Variants in GRM8 observed in about 807,000 individuals in gnomAD.
GRM8 encodes glutamate metabotropic receptor 8, also known as metabotropic glutamate receptor 8.
GRM8 carries 47 observed loss-of-function variants against 87.2 expected under a neutral mutation model. That is an observed-to-expected ratio of 0.54 (90% CI 0.43 to 0.69). The LOEUF is 0.69. GRM8 is among the 30% of genes least tolerant of loss of function. GRM8 has a pLI of 0.00. For synonymous variants in GRM8, 396 were observed against 404.5 expected, an observed-to-expected ratio of 0.98 and a Z score of 0.25; for missense variants, 1,019 against 1,139.2, an observed-to-expected ratio of 0.89 and a Z score of 1.52.
intron 9 of GRM8, among the ~76,000 whole-genome samples, chr7:126,479,640 T>C (rs916960169): frequency 2.6e-5 from 4 of 152,076 alleles, no homozygotes; most frequent in Non-Finnish European, 5.9e-5. Context: ...TTTATTTGGG[T>C]TGTTTCCAGT....
intron 9 of GRM8, among the ~76,000 whole-genome samples, chr7:126,510,017 A>G (rs2150738930): frequency 6.6e-6 from 1 of 152,116 alleles, no homozygotes; most frequent in Middle Eastern, 3.4e-3. Flanking sequence ...ATTAGAAAGA[A>G]AGGTAAAATT....
intron 7 of GRM8, among the ~76,000 whole-genome samples, chr7:126,693,616 A>C (rs545872304): frequency 6.6e-6 from 1 of 152,296 alleles, no homozygotes; most frequent in Non-Finnish European, 1.5e-5. Context: ...AAATAGGTAC[A>C]AATACTTTTT....
chr7:126,736,882 T>A (rs1437555313), intron 7 of GRM8, among the ~76,000 whole-genome samples: 1 of 152,070 alleles, frequency 6.6e-6, no homozygotes, highest in Non-Finnish European at 1.5e-5. Flanking sequence ...CCCCTAATGA[T>A]AACCTTGAAA....
At chr7:126,608,884 C>CTCCCAAGGTAG (rs1798631883) in intron 8 of GRM8, among the ~76,000 whole-genome samples, 1 of 152,020 alleles carries the variant, frequency 6.6e-6, no homozygotes, top group Non-Finnish European at 1.5e-5. Flanking sequence ...CTGCCTCAGC[C>CTCCCAAGGTAG]TCCCAAATAG....
At chr7:127,022,422 T>C (rs190794262) in intron 3 of GRM8, among the ~76,000 whole-genome samples, 25 of 152,210 alleles carry the variant, frequency 1.6e-4, no homozygotes, top group Admixed American at 4.6e-4. Context: ...TTTTTTTAAA[T>C]TTAATGACTA....
chr7:127,034,879 A>C (rs952921152), intron 3 of GRM8, among the ~76,000 whole-genome samples: 2 of 152,196 alleles, frequency 1.3e-5, no homozygotes, highest in African/African-American at 2.4e-5. Context: ...TAAAACTCTG[A>C]ACTTTCACTC....
intron 7 of GRM8, among the ~76,000 whole-genome samples, chr7:126,717,138 G>A (rs1198761457): frequency 6.6e-6 from 1 of 152,156 alleles, no homozygotes; most frequent in Non-Finnish European, 1.5e-5. Flanking sequence ...TGATTGTGGT[G>A]AGCACCTGAA....
At chr7:126,780,213 G>T (rs969459884) in intron 6 of GRM8, among the ~76,000 whole-genome samples, 1 of 152,044 alleles carries the variant, frequency 6.6e-6, no homozygotes, top group Non-Finnish European at 1.5e-5. Context: ...ATCTGCCTAG[G>T]TTCAAATCTC....
At chr7:126,919,900 G>A (rs1015864784) in intron 3 of GRM8, among the ~76,000 whole-genome samples, 4 of 152,154 alleles carry the variant, frequency 2.6e-5, no homozygotes, top group East Asian at 1.9e-4. Context: ...AAAAAGGACT[G>A]TTGCATGGCC....
At chr7:126,737,957 A>G (rs1814430841) in intron 7 of GRM8, among the ~76,000 whole-genome samples, 2 of 152,128 alleles carry the variant, frequency 1.3e-5, no homozygotes, top group South Asian at 4.1e-4. Context: ...TCTAGAGGTG[A>G]CTTTTGACCT....
rs1224412744 is a variant in GRM8, at chr7:127,052,704, T to C, written c.727+53792A>G. On this transcript the variant is annotated intron_variant, in intron 3 of 10. Coordinates refer to ENST00000339582, the MANE Select transcript of GRM8 (RefSeq NM_000845.3). Reference sequence around the variant, plus strand: ...TCTTTAGGCATCACCTCTATCTCCTTATCGCTCACCCCAACATTAGATATG... The same window carrying C: ...TCTTTAGGCATCACCTCTATCTCCTCATCGCTCACCCCAACATTAGATATG... Among the ~76,000 whole-genome samples the C allele has an allele frequency of 2.0e-5, 3 of 152,190 alleles. No individual in the cohort carries two copies. The South Asian group carries it at 6.2e-4, about 32-fold the overall frequency.
chr7:126,477,826 A>G (rs914389373), intron 9 of GRM8, among the ~76,000 whole-genome samples: 1 of 152,182 alleles, frequency 6.6e-6, no homozygotes, highest in Non-Finnish European at 1.5e-5. Flanking sequence ...ACAAATTCAC[A>G]CAAACTGGGT....
At chr7:126,518,725 T>C (rs942579907) in intron 9 of GRM8, among the ~76,000 whole-genome samples, 12 of 152,092 alleles carry the variant, frequency 7.9e-5, no homozygotes, top group African/African-American at 2.9e-4. Context: ...TGCATAATAA[T>C]CTTCATGTGC....
chr7:127,223,759 G>C (rs1257032499), intron 2 of GRM8, among the ~76,000 whole-genome samples: 1 of 152,116 alleles, frequency 6.6e-6, no homozygotes, highest in Non-Finnish European at 1.5e-5. Flanking sequence ...CCTCCTGGCA[G>C]CCAGATGGAT....
intron 9 of GRM8, among the ~76,000 whole-genome samples, chr7:126,516,131 T>C (rs1812128163): frequency 6.6e-6 from 1 of 152,088 alleles, no homozygotes; most frequent in South Asian, 2.1e-4. Flanking sequence ...ATGATTCATC[T>C]TATCAATCTA....
At chr7:127,014,437 AG>A (rs1407413569) in intron 3 of GRM8, among the ~76,000 whole-genome samples, 1 of 152,132 alleles carries the variant, frequency 6.6e-6, no homozygotes, top group Non-Finnish European at 1.5e-5. Context: ...ATGACTTAGT[AG>A]GTTAGCAGCA....
intron 1 of GRM8, among the ~76,000 whole-genome samples, chr7:127,243,892 T>C (rs1227453088): frequency 6.6e-6 from 1 of 152,016 alleles, no homozygotes; most frequent in Non-Finnish European, 1.5e-5. Flanking sequence ...TCTAATTTTG[T>C]CAACAAAATC....
chr7:126,486,747 G>A (rs1050223907), intron 9 of GRM8, among the ~76,000 whole-genome samples: 2 of 151,968 alleles, frequency 1.3e-5, no homozygotes, highest in Admixed American at 6.6e-5. Context: ...ACAAAGGTAA[G>A]CCCATTATAT....
intron 3 of GRM8, among the ~76,000 whole-genome samples, chr7:126,991,489 G>T (rs189009020): frequency 6.6e-6 from 1 of 152,052 alleles, no homozygotes; most frequent in Non-Finnish European, 1.5e-5. Context: ...TTACTTAAAA[G>T]GTAGGGCCTT....
Sources: allele counts gnomAD v4.1 joint callset (sites outside exome capture counted in the v4.1 genomes callset), GRCh38; gene constraint gnomAD v4.1.1; transcripts MANE v1.5; gene names NCBI Gene and HGNC (gene_info 2026-07-23, HGNC 2026-07-21).